MTMR7: variants seen among roughly 807,000 people sequenced by gnomAD.
MTMR7 encodes phosphatidylinositol-3-phosphate phosphatase MTMR7.
Under a neutral mutation model 81.2 loss-of-function variants are expected in MTMR7, and 76 were observed. The ratio of observed to expected loss-of-function variants is 0.94; its 90% CI spans 0.78 to 1.13. The LOEUF is 1.13. Among genes scored for constraint, MTMR7 ranks in the 50% most tolerant of loss-of-function variants. The pLI, the probability that MTMR7 is intolerant of heterozygous loss-of-function variation, is 0.00. For missense variants in MTMR7, 1,044 were observed against 820.0 expected (o/e 1.27, Z -3.34); for synonymous variants, 372 against 289.8 (o/e 1.28, Z -2.88).
chr8:17,343,822 A>G (rs1484681970), intron 5 of MTMR7, among the ~76,000 whole-genome samples: 1 of 152,202 alleles, frequency 6.6e-6, no homozygotes, highest in Admixed American at 6.5e-5. Context: ...GTGGTTTTCA[A>G]TTGTGTGCAG....
At chr8:17,394,684 T>C (rs1231653412) in intron 1 of MTMR7, among the ~76,000 whole-genome samples, 1 of 152,198 alleles carries the variant, frequency 6.6e-6, no homozygotes, top group African/African-American at 2.4e-5. Context: ...ATGAATTTTA[T>C]AATATGTAAA....
intron 10 of MTMR7, among the ~76,000 whole-genome samples, chr8:17,307,013 G>A (rs1035450469): frequency 1.2e-4 from 18 of 152,116 alleles, no homozygotes; most frequent in Non-Finnish European, 2.1e-4. Flanking sequence ...CAAAAGCAAT[G>A]GCAGCAAAAG....
At chr8:17,325,563 C>T (rs902437712) in intron 7 of MTMR7, among the ~76,000 whole-genome samples, 1 of 152,166 alleles carries the variant, frequency 6.6e-6, no homozygotes, top group Non-Finnish European at 1.5e-5. Flanking sequence ...CCTGACCGTA[C>T]GATCGCCCAC....
chr8:17,350,025 C>G (rs1486498181), intron 4 of MTMR7, among the ~76,000 whole-genome samples: 1 of 152,218 alleles, frequency 6.6e-6, no homozygotes, highest in Non-Finnish European at 1.5e-5. Flanking sequence ...ACTTTATAAA[C>G]CACTAAATCC....
rs774090981 is a variant in MTMR7 at position 17,304,497 on chromosome 8, A to C, written c.1375T>G (p.Leu459Val). 6.2e-6 allele frequency: 10 copies of C among 1,613,900 alleles called. No individual in the cohort carries two copies. The highest frequency in any genetic ancestry group is 8.5e-6 in the Non-Finnish European group (10 of 1,179,834). The part of the protein sequence containing the change: ...ELKIQERTYS[L>V]WAHLWKNRAD... ...CGATTCTTCCACAGGTGAGCCCATAATGAGTATGTTCTTTCTTGAATCCTG... is the reference window on the plus strand; with the variant it reads ...CGATTCTTCCACAGGTGAGCCCATACTGAGTATGTTCTTTCTTGAATCCTG... The change falls in exon 12 of 14, where the codon TTA becomes GTA. Residue 459 changes from leucine (L) to valine (V), a missense_variant. Coordinates refer to ENST00000180173, the MANE Select transcript of MTMR7 (RefSeq NM_004686.5).
rs753048428 is a variant in MTMR7 at position 17,300,117 on chromosome 8, G to C, written c.1728C>G (p.Ala576=). 10 of 1,614,000 alleles carry C rather than the reference G, an allele frequency of 6.2e-6. No individual in the cohort carries two copies. In the South Asian group the frequency reaches 7.7e-5, roughly 12 times the overall value. ...SGFSTSDNSI[A]NTPQDYSGNM... is the part of the protein sequence containing the mutation. ...TCCCACTGTAATCCTGGGGAGTGTTGGCTATGCTGTTGTCTGAGGTAGAAA... is the reference window on the plus strand; with the variant it reads ...TCCCACTGTAATCCTGGGGAGTGTTCGCTATGCTGTTGTCTGAGGTAGAAA... Residue 576 remains alanine (A), a synonymous_variant, in exon 14 of 14, where the codon GCC becomes GCG. Coordinates refer to ENST00000180173, the MANE Select transcript of MTMR7 (RefSeq NM_004686.5).
chr8:17,346,056 A>C (rs1586226182), intron 5 of MTMR7: 1 of 152,198 alleles, frequency 6.6e-6, no homozygotes, highest in Non-Finnish European at 1.5e-5. Flanking sequence ...CTATACGGCC[A>C]TCGATGAGCA....
chr8:17,406,196 A>G (rs1430793960), intron 1 of MTMR7, among the ~76,000 whole-genome samples: 7 of 152,222 alleles, frequency 4.6e-5, no homozygotes, highest in African/African-American at 1.7e-4. Context: ...AAGAGACATC[A>G]AAACAGTGAA....
intron 1 of MTMR7, among the ~76,000 whole-genome samples, chr8:17,383,339 A>G (rs7823823): frequency 0.11 from 16,281 of 152,168 alleles, 1,813 homozygotes; most frequent in African/African-American, 0.28. Flanking sequence ...GGGTAATAAC[A>G]ACAACGAAAA....
intron 1 of MTMR7, among the ~76,000 whole-genome samples, chr8:17,385,480 C>T (rs1820905875): frequency 6.6e-6 from 1 of 152,170 alleles, no homozygotes. Context: ...CCTGCATAAG[C>T]CTTCTCTCTT....
chr8:17,381,959 G>C (rs997009176), intron 1 of MTMR7, among the ~76,000 whole-genome samples: 2 of 152,116 alleles, frequency 1.3e-5, no homozygotes, highest in African/African-American at 4.8e-5. Context: ...CTTCTATAAG[G>C]GATCTAAAGG....
At chr8:17,346,455 G>A (rs975589871) in intron 5 of MTMR7, among the ~76,000 whole-genome samples, 2 of 152,132 alleles carry the variant, frequency 1.3e-5, no homozygotes, top group African/African-American at 4.8e-5. Context: ...TAACTATGCT[G>A]TGTGAGTTCA....
chr8:17,326,326 A>G (rs1388993173), intron 7 of MTMR7: 1 of 152,204 alleles, frequency 6.6e-6, no homozygotes, highest in Non-Finnish European at 1.5e-5. Flanking sequence ...AACAACTTCA[A>G]TGAGGTTTAC....
At chr8:17,379,910 C>T (rs943046616) in intron 1 of MTMR7, among the ~76,000 whole-genome samples, 5 of 152,138 alleles carry the variant, frequency 3.3e-5, no homozygotes, top group Non-Finnish European at 5.9e-5. Context: ...AGTATCAACC[C>T]TTCCTTTGCC....
chr8:17,335,904 G>A (rs1563343282), intron 6 of MTMR7, among the ~76,000 whole-genome samples: 1 of 152,210 alleles, frequency 6.6e-6, no homozygotes, highest in Non-Finnish European at 1.5e-5. Flanking sequence ...TACAGGCTGT[G>A]TGGACTGCTG....
At chr8:17,383,453 G>C (rs1022528939) in intron 1 of MTMR7, among the ~76,000 whole-genome samples, 21 of 152,276 alleles carry the variant, frequency 1.4e-4, no homozygotes, top group Admixed American at 5.9e-4. Context: ...TGAAGAGCAT[G>C]AAAAATCAAT....
At chr8:17,333,552 A>G (rs548396459) in intron 6 of MTMR7, among the ~76,000 whole-genome samples, 1 of 152,344 alleles carries the variant, frequency 6.6e-6, no homozygotes, top group Admixed American at 6.5e-5. Flanking sequence ...TTTAAAAAGC[A>G]TAAGAAAGAA....
intron 1 of MTMR7, among the ~76,000 whole-genome samples, chr8:17,383,123 G>A (rs1391371507): frequency 6.6e-6 from 1 of 152,022 alleles, no homozygotes; most frequent in Non-Finnish European, 1.5e-5. Context: ...GCCGCTCTTA[G>A]ATACCAAGGT....
At position 17,316,296 on chromosome 8, in the gene MTMR7, TTA is replaced by T. The variant is rs1395142605; in HGVS notation, c.866-2897_866-2896del. ...ATAGGTACTAAAATTTACATATATATTATAGTCTGCAATTTTTATCCAACTTT... is the reference window on the plus strand; with the variant it reads ...ATAGGTACTAAAATTTACATATATATTAGTCTGCAATTTTTATCCAACTTT... On this transcript the variant is annotated intron_variant, in intron 7 of 13. Coordinates refer to ENST00000180173, the MANE Select transcript of MTMR7 (RefSeq NM_004686.5). Among the ~76,000 whole-genome samples, 3 of 151,974 alleles carry T rather than the reference TTA, an allele frequency of 2.0e-5. No homozygotes were observed. The East Asian group carries it at 5.8e-4, about 29-fold the overall frequency.
Sources: allele counts gnomAD v4.1 joint callset (sites outside exome capture counted in the v4.1 genomes callset), GRCh38; gene constraint gnomAD v4.1.1; transcripts MANE v1.5; gene names NCBI Gene and HGNC (gene_info 2026-07-23, HGNC 2026-07-21).